PRSS54: variants seen among roughly 807,000 people sequenced by gnomAD.
PRSS54 encodes serine protease 54.
Under a neutral mutation model 19.9 loss-of-function variants are expected in PRSS54, and 16 were observed. The ratio of observed to expected loss-of-function variants is 0.80; its 90% CI spans 0.54 to 1.22. The LOEUF is 1.22. Ranked by LOEUF, PRSS54 falls within the 50% of genes most tolerant of loss-of-function variation. The pLI is 0.00. For missense variants in PRSS54, 444 were observed against 494.8 expected, an observed-to-expected ratio of 0.90 and a Z score of 0.97; for synonymous variants, 177 against 195.8, an observed-to-expected ratio of 0.90 and a Z score of 0.80.
chr16:58,291,604 C>G (rs1416942713), intron 3 of PRSS54, among the ~76,000 whole-genome samples: 2 of 152,126 alleles, frequency 1.3e-5, no homozygotes, highest in Non-Finnish European at 2.9e-5. Context: ...GCCTCAGCCT[C>G]TGGAGTAGTT....
rs192384164 is a variant in PRSS54 at position 58,288,940 on chromosome 16, G to A, written c.263+2019C>T. 5.9e-5 allele frequency among the ~76,000 whole-genome samples: 9 copies of A among 152,284 alleles called. No homozygotes were observed. In the East Asian group the frequency reaches 1.2e-3, roughly 20 times the overall value. Reference sequence around the variant, plus strand: ...TGCATTGTGGGTGTGTCGGGAGTGCGTTATGAACTCAATTGCGTTCTCTTG... The same window carrying A: ...TGCATTGTGGGTGTGTCGGGAGTGCATTATGAACTCAATTGCGTTCTCTTG... On this transcript the variant is annotated intron_variant, in intron 4 of 6. Transcript: ENST00000567164.
At position 58,280,681 on chromosome 16, in the gene PRSS54, C is replaced by T; in HGVS notation, c.731G>A (p.Gly244Asp). ...LWVLRGVLNFGGETCPGLFLY... is the reference protein window; with the variant it reads ...LWVLRGVLNFDGETCPGLFLY... ...AAACAGGCCAGGGCACGTCTCACCA[C>T]CGAAGTTCAGGACTCCTCTCAGAAC... Residue 244 changes from glycine (G) to aspartate (D), a missense_variant, in exon 7 of 7, where the codon GGT becomes GAT. By Grantham distance (94) the Gly-to-Asp change is moderately conservative. Coordinates refer to ENST00000567164, the MANE Select transcript of PRSS54 (RefSeq NM_001305173.2). 6.2e-7 allele frequency: 1 copy of T among 1,614,200 alleles called. No homozygotes were observed. Among genetic ancestry groups the T allele is most frequent in the Non-Finnish European group, 8.5e-7 (1 of 1,180,036 alleles).
chr16:58,286,315 T>A, intron 4 of PRSS54, 120 bp from the exon 5 acceptor site: 1 of 1,013,024 alleles, frequency 9.9e-7, no homozygotes, highest in Non-Finnish European at 1.5e-6. Flanking sequence ...TTTCCTGTGT[T>A]AATTCTTCCT....
At chr16:58,290,899 A>G (rs3803583) in intron 4 of PRSS54, 60 bp downstream of exon 4, 152,435 of 1,573,772 alleles carry the variant, frequency 0.097, 7,829 homozygotes, top group Admixed American at 0.12. Flanking sequence ...AGCAGGAAAC[A>G]GGGTCGCCCC....
At chr16:58,288,628 C>G (rs1262423218) in intron 4 of PRSS54, among the ~76,000 whole-genome samples, 1 of 148,028 alleles carries the variant, frequency 6.8e-6, no homozygotes. Flanking sequence ...TTAGCCCAGT[C>G]TTTCTACTCC....
chr16:58,291,675 G>C (rs1195879224), intron 3 of PRSS54, among the ~76,000 whole-genome samples: 1 of 151,920 alleles, frequency 6.6e-6, no homozygotes, highest in Non-Finnish European at 1.5e-5. Flanking sequence ...GTAGAGATGA[G>C]GTCTTGCTAT....
intron 4 of PRSS54, among the ~76,000 whole-genome samples, chr16:58,287,789 C>T (rs1964950526): frequency 6.6e-6 from 1 of 152,234 alleles, no homozygotes; most frequent in Non-Finnish European, 1.5e-5. Flanking sequence ...CCTTGGACAT[C>T]CAGACTAACA....
At chr16:58,294,492 A>G (rs1312219361) in intron 1 of PRSS54, among the ~76,000 whole-genome samples, 1 of 152,174 alleles carries the variant, frequency 6.6e-6, no homozygotes, top group Admixed American at 6.5e-5. Flanking sequence ...CTGGGACTAC[A>G]GATGTGCGCC....
intron 3 of PRSS54, among the ~76,000 whole-genome samples, chr16:58,292,217 C>T (rs1048319751): frequency 1.2e-4 from 19 of 152,202 alleles, no homozygotes; most frequent in Admixed American, 7.2e-4. Context: ...GAGTGAGCCA[C>T]CACACCCTAC....
At chr16:58,290,183 T>C (rs574822118) in intron 4 of PRSS54, among the ~76,000 whole-genome samples, 1 of 150,168 alleles carries the variant, frequency 6.7e-6, no homozygotes, top group African/African-American at 2.4e-5. Context: ...TATATTTATA[T>C]GTATAGCATG....
intron 4 of PRSS54, among the ~76,000 whole-genome samples, chr16:58,289,025 T>TTAAGGAGATAATTAAGATTAAATGAGGTA (rs1434679890): frequency 3.3e-5 from 5 of 152,154 alleles, no homozygotes; most frequent in East Asian, 1.9e-4. Flanking sequence ...GATAGGGCCT[T>TTAAGGAGATAATTAAGATTAAATGAGGTA]TAAGGAGATA....
In PRSS54 at chr16:58,293,988, T is replaced by G. The variant is rs1430737374; in HGVS notation, c.-10A>C. 1.5e-6 allele frequency: 1 copy of G among 649,204 alleles called. No homozygotes were observed. Among genetic ancestry groups the G allele is most frequent in the Non-Finnish European group, 2.7e-6 (1 of 366,514 alleles). 40.2% of individuals were successfully genotyped at this position (649,204 alleles called of 1,614,324 possible). On this transcript the variant is annotated 5_prime_UTR_variant, in exon 2 of 7. Transcript: ENST00000567164. ...TTCCAAGATGTAGGGCACTGACCTG[T>G]CTTATCCCTAGTGCTTGGTTCTGTG... is the stretch of plus-strand genomic sequence containing the variant.
At position 58,286,009 on chromosome 16, in the gene PRSS54, G is replaced by A. The variant is rs764499018; in HGVS notation, c.450C>T (p.Phe150=). The part of the protein sequence containing the change: ...HFGNLVQSIC[F]LGRMLHTPPV... ...GTGGTGTATGCAGCATTCTGCCGAG[G>A]AAGCAGATGGACTGGACCAGGTTGC... The change falls in exon 5 of 7, where the codon TTC becomes TTT. Residue 150 remains phenylalanine, a synonymous_variant. Coordinates refer to ENST00000567164, the MANE Select transcript of PRSS54 (RefSeq NM_001305173.2). 9.9e-6 allele frequency: 16 copies of A among 1,614,062 alleles called. No homozygotes were observed. The Admixed American group carries it at 1.0e-4, about 10-fold the overall frequency.
chr16:58,290,918 C>T lies in PRSS54; in HGVS notation c.263+41G>A, dbSNP rs779318095. ...GGAAACAGGGTCGCCCCCACCCTCACCCCCGGCGATGTTGCGGGCCCCAAA... is the reference window on the plus strand; with the variant it reads ...GGAAACAGGGTCGCCCCCACCCTCATCCCCGGCGATGTTGCGGGCCCCAAA... On this transcript the variant is annotated intron_variant, in intron 4 of 6. Coordinates refer to ENST00000567164, the MANE Select transcript of PRSS54 (RefSeq NM_001305173.2). 5 of 1,605,994 alleles carry T rather than the reference C, an allele frequency of 3.1e-6. No homozygotes were observed. The South Asian group carries it at 5.5e-5, about 18-fold the overall frequency.
At chr16:58,280,879 C>A in intron 6 of PRSS54, 122 bp from the exon 7 acceptor site, 4 of 861,294 alleles carry the variant, frequency 4.6e-6, no homozygotes, top group Admixed American at 2.9e-5. Context: ...GGAAATGGGG[C>A]AAATTATAGG....
At chr16:58,287,173 T>A (rs1000829508) in intron 4 of PRSS54, among the ~76,000 whole-genome samples, 2 of 152,206 alleles carry the variant, frequency 1.3e-5, no homozygotes, top group Non-Finnish European at 2.9e-5. Flanking sequence ...CTTGAATCTA[T>A]AGTTTGGAGA....
chr16:58,285,268 C>T (rs1471127947), intron 5 of PRSS54: 2 of 154,968 alleles, frequency 1.3e-5, no homozygotes, highest in Non-Finnish European at 2.9e-5. Flanking sequence ...TTGTTTCTTT[C>T]TTTCCCCAAA....
At chr16:58,288,385 T>A (rs4784031) in intron 4 of PRSS54, among the ~76,000 whole-genome samples, 88,485 of 152,038 alleles carry the variant, frequency 0.58, 26,803 homozygotes, top group African/African-American at 0.74. Flanking sequence ...GAGATCGCAC[T>A]GCTATACTGC....
At chr16:58,292,435 G>C (rs968939834) in intron 3 of PRSS54, among the ~76,000 whole-genome samples, 2 of 152,164 alleles carry the variant, frequency 1.3e-5, no homozygotes, top group African/African-American at 4.8e-5. Flanking sequence ...ATAAAGTCTC[G>C]GAGGGCTTCC....
Sources: allele counts gnomAD v4.1 joint callset (sites outside exome capture counted in the v4.1 genomes callset), GRCh38; gene constraint gnomAD v4.1.1; transcripts MANE v1.5; gene names NCBI Gene and HGNC (gene_info 2026-07-23, HGNC 2026-07-21).